The following EFCAB11 variants were observed in gnomAD, a reference collection of about 807,000 sequenced individuals.
EFCAB11 encodes EF-hand calcium-binding domain-containing protein 11.
In EFCAB11, 14 loss-of-function variants were observed where a neutral mutation model predicts 23.0. The observed-to-expected ratio is 0.61, with a 90% CI of 0.40 to 0.95. EFCAB11 has a LOEUF of 0.95. Among genes scored for constraint, EFCAB11 ranks in the 40% least tolerant of loss-of-function variants. The pLI is 0.00. For synonymous variants in EFCAB11, 65 were observed against 66.6 expected, an observed-to-expected ratio of 0.98 and a Z score of 0.11; for missense variants, 198 against 195.8, an observed-to-expected ratio of 1.01 and a Z score of -0.07.
At chr14:89,941,474 C>A (rs1890789949) in intron 3 of EFCAB11, among the ~76,000 whole-genome samples, 1 of 152,096 alleles carries the variant, frequency 6.6e-6, no homozygotes, top group Non-Finnish European at 1.5e-5. Context: ...GCTAGAAGGT[C>A]GGATCACGTT....
At chr14:89,919,978 A>T (rs904166136) in intron 5 of EFCAB11, among the ~76,000 whole-genome samples, 5 of 152,174 alleles carry the variant, frequency 3.3e-5, no homozygotes, top group African/African-American at 4.8e-5. Context: ...TCAAAGTATA[A>T]TCCTCCCTTA....
At chr14:89,870,924 A>C (rs1888249300) in intron 5 of EFCAB11, among the ~76,000 whole-genome samples, 1 of 152,286 alleles carries the variant, frequency 6.6e-6, no homozygotes, top group Admixed American at 6.5e-5. Context: ...TGGTCAACAG[A>C]GTGAGATTTT....
intron 5 of EFCAB11, among the ~76,000 whole-genome samples, chr14:89,891,837 T>C (rs1193158753): frequency 6.6e-6 from 1 of 151,990 alleles, no homozygotes; most frequent in Non-Finnish European, 1.5e-5. Context: ...GTCGCGCTGC[T>C]GGGGGACGCG....
chr14:89,882,526 C>T (rs1344384239), intron 5 of EFCAB11, among the ~76,000 whole-genome samples: 3 of 152,158 alleles, frequency 2.0e-5, no homozygotes, highest in African/African-American at 7.2e-5. Context: ...TCTATGACTT[C>T]TCTCACTCTC....
At position 89,831,955 on chromosome 14, in the gene EFCAB11, G is replaced by C. The variant is rs563360192; in HGVS notation, c.411-34631C>G. 2.0e-3 allele frequency among the ~76,000 whole-genome samples: 301 copies of C among 152,264 alleles called. 1 individual carries two copies. Among genetic ancestry groups the C allele is most frequent in the African/African-American group, 7.1e-3 (297 of 41,552 alleles). ...GCGGGTGGTGGTGAAGAGTAGAAGA[G>C]AGAAAGAAGGCATGCAGAAAGGGGA... On this transcript the variant is annotated intron_variant, in intron 5 of 5. Coordinates refer to ENST00000316738, the MANE Select transcript of EFCAB11 (RefSeq NM_145231.4).
chr14:89,919,315 C>A (rs922168423), intron 5 of EFCAB11, among the ~76,000 whole-genome samples: 3 of 152,124 alleles, frequency 2.0e-5, no homozygotes, highest in African/African-American at 7.2e-5. Flanking sequence ...GATCTCAGAT[C>A]GGCCAAGAGC....
intron 2 of EFCAB11, among the ~76,000 whole-genome samples, chr14:89,950,476 T>C (rs1174971165): frequency 1.3e-5 from 2 of 152,180 alleles, no homozygotes; most frequent in Non-Finnish European, 2.9e-5. Flanking sequence ...CAAATACAAC[T>C]GTTATAATGG....
At chr14:89,842,974 T>C (rs915358638) in intron 5 of EFCAB11, among the ~76,000 whole-genome samples, 2 of 152,162 alleles carry the variant, frequency 1.3e-5, no homozygotes, top group African/African-American at 4.8e-5. Context: ...CAGGGTGAGG[T>C]GCTCCCATAT....
At position 89,896,606 on chromosome 14, in the gene EFCAB11, G is replaced by T. The variant is rs901620493; in HGVS notation, c.410+34935C>A. On this transcript the variant is annotated intron_variant, in intron 5 of 5. Coordinates refer to ENST00000316738, the MANE Select transcript of EFCAB11 (RefSeq NM_145231.4). ...ATTGCACATGGGCACTAGGAATTAT[G>T]ACACAAAAGTGTTCATACAGTATTA... Among the ~76,000 whole-genome samples the T allele has an allele frequency of 2.0e-5, 3 of 152,174 alleles. No individual in the cohort carries two copies. The South Asian group carries it at 6.2e-4, about 32-fold the overall frequency.
At chr14:89,941,488 C>G (rs1890790591) in intron 3 of EFCAB11, among the ~76,000 whole-genome samples, 1 of 151,926 alleles carries the variant, frequency 6.6e-6, no homozygotes, top group South Asian at 2.1e-4. Flanking sequence ...TCACGTTGGT[C>G]TGGTACTTAC....
chr14:89,826,516 CT>C (rs1373405784), intron 5 of EFCAB11, among the ~76,000 whole-genome samples: 3 of 151,056 alleles, frequency 2.0e-5, no homozygotes, highest in African/African-American at 4.9e-5. Flanking sequence ...GAGGTGTTGG[CT>C]TTATGGTATC....
intron 5 of EFCAB11, among the ~76,000 whole-genome samples, chr14:89,925,648 C>CT (rs397758240): frequency 0.11 from 15,404 of 134,576 alleles, 2,472 homozygotes; most frequent in African/African-American, 0.36. Context: ...ATGTTTCTTT[C>CT]TTTTTTTTTT....
chr14:89,804,802 G>C (rs1885914355), intron 5 of EFCAB11, among the ~76,000 whole-genome samples: 1 of 152,120 alleles, frequency 6.6e-6, no homozygotes, highest in African/African-American at 2.4e-5. Context: ...TCTGAAGTTT[G>C]AAGTTCCAAG....
intron 5 of EFCAB11, among the ~76,000 whole-genome samples, chr14:89,838,345 A>G (rs554810990): frequency 2.0e-5 from 3 of 152,266 alleles, no homozygotes; most frequent in East Asian, 3.9e-4. Flanking sequence ...ATGAAAAATT[A>G]TATAATTAGC....
chr14:89,812,584 A>G (rs1886183103), intron 5 of EFCAB11, among the ~76,000 whole-genome samples: 1 of 152,272 alleles, frequency 6.6e-6, no homozygotes, highest in Non-Finnish European at 1.5e-5. Context: ...TGGAGTAAGA[A>G]TAAGCTGACC....
intron 5 of EFCAB11, among the ~76,000 whole-genome samples, chr14:89,853,350 A>G (rs1045457704): frequency 5.3e-5 from 8 of 152,244 alleles, no homozygotes; most frequent in Non-Finnish European, 1.2e-4. Context: ...AGCTTCCTCT[A>G]CTATATAAAA....
intron 5 of EFCAB11, among the ~76,000 whole-genome samples, chr14:89,885,300 T>C (rs1041578913): frequency 7.2e-5 from 11 of 152,240 alleles, no homozygotes; most frequent in African/African-American, 2.7e-4. Flanking sequence ...ATATACTTTA[T>C]TCATGCACTG....
At chr14:89,926,512 T>A (rs889296273) in intron 5 of EFCAB11, among the ~76,000 whole-genome samples, 1 of 151,856 alleles carries the variant, frequency 6.6e-6, no homozygotes, top group African/African-American at 2.4e-5. Flanking sequence ...GAAAGAAATG[T>A]AAGAGAAAAG....
intron 3 of EFCAB11, among the ~76,000 whole-genome samples, chr14:89,941,292 G>T (rs575806971): frequency 6.6e-6 from 1 of 152,202 alleles, no homozygotes; most frequent in Non-Finnish European, 1.5e-5. Flanking sequence ...CAACTATAGA[G>T]AACATGGTGA....
Sources: allele counts gnomAD v4.1 joint callset (sites outside exome capture counted in the v4.1 genomes callset), GRCh38; gene constraint gnomAD v4.1.1; transcripts MANE v1.5; gene names NCBI Gene and HGNC (gene_info 2026-07-23, HGNC 2026-07-21).